The following P2RY8 variants were observed in gnomAD, a reference collection of about 807,000 sequenced individuals.
P2RY8 encodes S-geranylgeranyl-glutathione receptor P2RY8.
A neutral mutation model predicts 10.0 loss-of-function variants in P2RY8; 6 were observed. The observed-to-expected ratio is 0.60, with a 90% CI of 0.33 to 1.19. P2RY8 has a LOEUF of 1.19. Ranked by LOEUF, P2RY8 falls within the 50% of genes most tolerant of loss-of-function variation. The pLI, the probability that P2RY8 is intolerant of heterozygous loss-of-function variation, is 0.04. For synonymous variants in P2RY8, 276 were observed against 252.5 expected (o/e 1.09, Z -0.88); for missense variants, 456 against 542.0 (o/e 0.84, Z 1.58).
intron 1 of P2RY8, among the ~76,000 whole-genome samples, chrX:1,499,163 C>CTTTTTTTTTTTTT (rs1163119480): frequency 1.2e-4 from 6 of 48,436 alleles, no homozygotes; most frequent in Admixed American, 2.3e-4. Context: ...TTTTTCTTTT[C>CTTTTTTTTTTTTT]TTTTTTTTTT....
intron 1 of P2RY8, among the ~76,000 whole-genome samples, chrX:1,503,379 T>C (rs1487306030): frequency 5.3e-5 from 8 of 152,354 alleles, no homozygotes; most frequent in African/African-American, 1.9e-4. Context: ...GCTTTGTCTC[T>C]GCACCCCTAA....
chrX:1,464,627 G>C lies in P2RY8; in HGVS notation c.*852C>G. The C allele has an allele frequency of 4.3e-6, 1 of 233,416 alleles. No homozygotes were observed. Among genetic ancestry groups the C allele is most frequent in the Non-Finnish European group, 8.5e-6 (1 of 118,202 alleles). 14.5% of individuals were successfully genotyped at this position (233,416 alleles called of 1,614,324 possible). A position where few individuals can be genotyped will look rare whatever the true frequency, so the allele number is the denominator to read the frequency against. On this transcript the variant is annotated 3_prime_UTR_variant, in exon 2 of 2. Transcript: ENST00000381297. ...CCTCCTTTCCGCACCTGGGCCTCCC[G>C]TGGTCCTTGTCCTGAGTCAGGGAAG...
intron 1 of P2RY8, among the ~76,000 whole-genome samples, chrX:1,491,038 C>G (rs1342477870): frequency 1.3e-5 from 2 of 150,548 alleles, no homozygotes; most frequent in African/African-American, 4.9e-5. Context: ...CCCAGATTCA[C>G]TTCTGCAAAT....
chrX:1,514,870 TCCCCTGTCTTCCTCTCCCCTC>T (rs2092333151), intron 1 of P2RY8, among the ~76,000 whole-genome samples: 1 of 2,166 alleles, frequency 4.6e-4, no homozygotes, highest in African/African-American at 9.2e-4. Context: ...CCCCTCCCCT[TCCCCTGTCTTCCTCTCCCCTC>T]CCCTTCCCCT....
chrX:1,530,978 T>C (rs188870139), intron 1 of P2RY8, among the ~76,000 whole-genome samples: 165 of 152,192 alleles, frequency 1.1e-3, no homozygotes, highest in South Asian at 6.6e-3. Flanking sequence ...TATGTATGTA[T>C]GTATGTACCT....
At chrX:1,491,857 T>A (rs1400040160) in intron 1 of P2RY8, among the ~76,000 whole-genome samples, 1 of 152,136 alleles carries the variant, frequency 6.6e-6, no homozygotes, top group Non-Finnish European at 1.5e-5. Flanking sequence ...ATGGAATGTG[T>A]GGAGCAAATG....
Position 1,463,518 on chromosome X carries a change from G to A in P2RY8, c.*1961C>T, listed in dbSNP as rs2091617573. The A allele has an allele frequency of 8.6e-6, 2 of 232,284 alleles. No homozygotes were observed. The highest frequency in any genetic ancestry group is 1.2e-4 in the East Asian group (2 of 16,486). The allele number at this position is 232,284 out of a possible 1,614,324, so 14.4% of individuals were successfully genotyped here. A position where few individuals can be genotyped will look rare whatever the true frequency, so the allele number is the denominator to read the frequency against. ...TCTTCTGTCTCTTGGAAGGACACCT[G>A]TCATGGCATTTAGGGTGCTTAATAA... On this transcript the variant is annotated 3_prime_UTR_variant, in exon 2 of 2. Transcript: ENST00000381297.
rs2091624724 is a variant in P2RY8, at chrX:1,463,941, C to G, written c.*1538G>C. On this transcript the variant is annotated 3_prime_UTR_variant, in exon 2 of 2. Coordinates refer to ENST00000381297, the MANE Select transcript of P2RY8 (RefSeq NM_178129.5). Reference sequence around the variant, plus strand: ...AAAGACCCGATTTTCAAACATGGTCCCATCCTGATGTTCCAGGTGGACACG... The same window carrying G: ...AAAGACCCGATTTTCAAACATGGTCGCATCCTGATGTTCCAGGTGGACACG... 4.3e-6 allele frequency: 1 copy of G among 233,320 alleles called. No homozygotes were observed. The highest frequency in any genetic ancestry group is 1.8e-4 in the South Asian group (1 of 5,518). 14.5% of individuals were successfully genotyped at this position (233,320 alleles called of 1,614,324 possible). A position where few individuals can be genotyped will look rare whatever the true frequency, so the allele number is the denominator to read the frequency against.
intron 1 of P2RY8, among the ~76,000 whole-genome samples, chrX:1,519,915 GTCTCTCTGGTCCCCAATCA>G (rs1226214853): frequency 7.1e-5 from 10 of 140,664 alleles, no homozygotes; most frequent in East Asian, 2.2e-4. Context: ...GTTCCCAATA[GTCTCTCTGGTCCCCAATCA>G]TCTCTCTGGT....
chrX:1,515,422 A>G (rs1236363934), intron 1 of P2RY8, among the ~76,000 whole-genome samples: 2 of 143,978 alleles, frequency 1.4e-5, no homozygotes, highest in African/African-American at 5.2e-5. Flanking sequence ...CCCAGGCTGG[A>G]GTGCAATGGC....
chrX:1,482,891 C>A (rs1355517724), intron 1 of P2RY8, among the ~76,000 whole-genome samples: 3 of 150,580 alleles, frequency 2.0e-5, no homozygotes, highest in African/African-American at 4.9e-5. Flanking sequence ...GGAATTGAAC[C>A]ATGAGAACAC....
chrX:1,480,244 A>G (rs191379047), intron 1 of P2RY8, among the ~76,000 whole-genome samples: 8 of 151,968 alleles, frequency 5.3e-5, no homozygotes, highest in Admixed American at 2.0e-4. Context: ...AGAGGTTTCA[A>G]CTCATATTTT....
intron 1 of P2RY8, among the ~76,000 whole-genome samples, chrX:1,524,578 C>CATCCATTCATCCATCT (rs2092420666): frequency 1.4e-5 from 2 of 145,806 alleles, no homozygotes; most frequent in Admixed American, 6.9e-5. Flanking sequence ...TCCATCCATC[C>CATCCATTCATCCATCT]ATCCATCCAT....
At chrX:1,485,534 A>G (rs1311160810) in intron 1 of P2RY8, among the ~76,000 whole-genome samples, 1 of 151,252 alleles carries the variant, frequency 6.6e-6, no homozygotes, top group Non-Finnish European at 1.5e-5. Flanking sequence ...TTTCTCTTTT[A>G]TATTGTAATT....
Position 1,498,745 on chromosome X carries a change from T to TGAACTCCTGGTCTC in P2RY8, c.-24-32177_-24-32164dup, listed in dbSNP as rs1194932018. Among the ~76,000 whole-genome samples, 98 of 152,082 alleles carry TGAACTCCTGGTCTC rather than the reference T, an allele frequency of 6.4e-4. 1 individual carries two copies. Among genetic ancestry groups the TGAACTCCTGGTCTC allele is most frequent in the African/African-American group, 2.1e-3 (89 of 41,492 alleles). ...GTTGCACAGGCTGAACTCCTGATCT[T>TGAACTCCTGGTCTC]GAACTCCTGGTCTCGAACTCCTGAT... is the stretch of plus-strand genomic sequence containing the variant. On this transcript the variant is annotated intron_variant, in intron 1 of 1. Transcript: ENST00000381297.
intron 1 of P2RY8, among the ~76,000 whole-genome samples, chrX:1,527,055 G>C (rs1313863855): frequency 2.0e-5 from 3 of 151,998 alleles, no homozygotes; most frequent in Non-Finnish European, 4.4e-5. Context: ...TACCACGCCT[G>C]GCTAATTTTT....
chrX:1,469,988 C>A (rs1287420175), intron 1 of P2RY8, among the ~76,000 whole-genome samples: 1 of 152,142 alleles, frequency 6.6e-6, no homozygotes, highest in African/African-American at 2.4e-5. Flanking sequence ...TCATACAGTT[C>A]AATGGTTTTT....
At chrX:1,502,379 G>A (rs560032366) in intron 1 of P2RY8, among the ~76,000 whole-genome samples, 5 of 152,052 alleles carry the variant, frequency 3.3e-5, no homozygotes, top group East Asian at 3.9e-4. Flanking sequence ...CCCCCACTTC[G>A]AACACAGAGT....
chrX:1,506,453 G>A (rs1207729834), intron 1 of P2RY8, among the ~76,000 whole-genome samples: 2 of 149,126 alleles, frequency 1.3e-5, no homozygotes, highest in Non-Finnish European at 2.9e-5. Context: ...TCTGAGAGAA[G>A]ACTGCCTCTT....
Sources: gnomAD v4.1 joint callset for allele counts (sites outside exome capture counted in the v4.1 genomes callset) on GRCh38, gnomAD v4.1.1 for gene constraint, MANE v1.5 for transcripts, NCBI Gene and HGNC (gene_info 2026-07-23, HGNC 2026-07-21) for gene names.